The following SERGEF variants were observed in gnomAD, a reference collection of about 807,000 sequenced individuals.
The protein encoded by SERGEF is secretion-regulating guanine nucleotide exchange factor.
A neutral mutation model predicts 50.0 loss-of-function variants in SERGEF; 51 were observed. That is an observed-to-expected ratio of 1.02 (90% CI 0.81 to 1.29). The LOEUF is 1.29. Among genes scored for constraint, SERGEF ranks in the 50% most tolerant of loss-of-function variants. The pLI, the probability that SERGEF is intolerant of heterozygous loss-of-function variation, is 0.00. For missense variants in SERGEF, 521 were observed against 557.0 expected (o/e 0.94, Z 0.65); for synonymous variants, 205 against 212.4 (o/e 0.97, Z 0.30).
At chr11:17,808,031 C>T (rs1410751005) in intron 10 of SERGEF, among the ~76,000 whole-genome samples, 2 of 152,178 alleles carry the variant, frequency 1.3e-5, no homozygotes, top group African/African-American at 4.8e-5. Context: ...TTAGTGTCCC[C>T]TAATCTGAGA....
At chr11:17,935,452 G>C (rs28643319) in intron 9 of SERGEF, among the ~76,000 whole-genome samples, 3,554 of 152,206 alleles carry the variant, frequency 0.023, 155 homozygotes, top group African/African-American at 0.082. Flanking sequence ...CTGGGAAACA[G>C]AGGGAGACAA....
chr11:17,912,604 T>C (rs1230384926), intron 9 of SERGEF, among the ~76,000 whole-genome samples: 2 of 152,248 alleles, frequency 1.3e-5, no homozygotes, highest in Non-Finnish European at 2.9e-5. Context: ...AACACTTTCA[T>C]AATGAATGAT....
At chr11:17,988,559 T>C in intron 8 of SERGEF, 38 bp downstream of exon 8, 1 of 1,607,186 alleles carries the variant, frequency 6.2e-7, no homozygotes, top group Non-Finnish European at 8.5e-7. Flanking sequence ...GTCCCCCAGC[T>C]GCTCTTACCA....
At position 18,007,974 on chromosome 11, in the gene SERGEF, T is replaced by G. The variant is rs1854118384; in HGVS notation, c.163A>C (p.Thr55Pro). Residue 55 changes from threonine to proline, a missense_variant, in exon 2 of 11, where the codon ACA (threonine) becomes CCA (proline). Thr to Pro is a conservative substitution (Grantham distance 38, BLOSUM62 -1). Transcript: ENST00000265965. Reference protein sequence around the residue: ...FCKPRSVRRITGGGGHSAVVT... With the variant: ...FCKPRSVRRIPGGGGHSAVVT... ...ACTGCAGAGTGGCCCCCTCCTCCTGTGATCCTCCTGACACTCCTGGGTTTA... is the reference window on the plus strand; with the variant it reads ...ACTGCAGAGTGGCCCCCTCCTCCTGGGATCCTCCTGACACTCCTGGGTTTA... The G allele has an allele frequency of 6.2e-7, 1 of 1,613,966 alleles. No homozygotes were observed. Among genetic ancestry groups the G allele is most frequent in the South Asian group, 1.1e-5 (1 of 91,032 alleles).
At chr11:18,006,786 A>G (rs1854084036) in intron 2 of SERGEF, 40 bp from the exon 3 acceptor site, 2 of 1,599,958 alleles carry the variant, frequency 1.3e-6, no homozygotes, top group South Asian at 1.1e-5. Flanking sequence ...GTGCACAGGA[A>G]AAAACACAAC....
At chr11:17,952,814 A>T (rs978609658) in intron 9 of SERGEF, among the ~76,000 whole-genome samples, 9 of 152,026 alleles carry the variant, frequency 5.9e-5, no homozygotes, top group Non-Finnish European at 1.3e-4. Flanking sequence ...CACCAAATCC[A>T]GTAGTCTTTA....
chr11:17,868,306 G>A (rs957274936), intron 10 of SERGEF, among the ~76,000 whole-genome samples: 1 of 152,130 alleles, frequency 6.6e-6, no homozygotes, highest in Non-Finnish European at 1.5e-5. Context: ...CAAGTTCAAA[G>A]TTCCACAAAT....
At chr11:17,928,089 C>A (rs755278274) in intron 9 of SERGEF, among the ~76,000 whole-genome samples, 2 of 152,202 alleles carry the variant, frequency 1.3e-5, no homozygotes, top group South Asian at 2.1e-4. Flanking sequence ...TAATTATGCA[C>A]GGAAGTCTAA....
intron 1 of SERGEF, among the ~76,000 whole-genome samples, chr11:18,009,467 G>A (rs1854153104): frequency 6.6e-6 from 1 of 152,154 alleles, no homozygotes; most frequent in Non-Finnish European, 1.5e-5. Flanking sequence ...CAAAATGGGA[G>A]GGCAACATCC....
chr11:17,876,955 T>A (rs1291118031), intron 10 of SERGEF, among the ~76,000 whole-genome samples: 2 of 152,240 alleles, frequency 1.3e-5, no homozygotes, highest in African/African-American at 4.8e-5. Context: ...CTAACTCCAG[T>A]CCCTGTTACT....
chr11:17,848,067 A>G (rs914972812), intron 10 of SERGEF, among the ~76,000 whole-genome samples: 7 of 152,256 alleles, frequency 4.6e-5, no homozygotes, highest in African/African-American at 1.7e-4. Context: ...TAAAAATTCA[A>G]TCATATATTG....
intron 10 of SERGEF, among the ~76,000 whole-genome samples, chr11:17,866,106 C>T: frequency 6.6e-6 from 1 of 152,226 alleles, no homozygotes; most frequent in East Asian, 1.9e-4. Context: ...CTGCTGTCTC[C>T]CTGTCTGGCA....
intron 10 of SERGEF, among the ~76,000 whole-genome samples, chr11:17,807,976 C>G (rs1207823582): frequency 6.6e-6 from 1 of 152,238 alleles, no homozygotes; most frequent in Non-Finnish European, 1.5e-5. Context: ...GAGCCCATTT[C>G]CCTTTGATAG....
chr11:17,922,921 TC>T (rs1375665046), intron 9 of SERGEF, among the ~76,000 whole-genome samples: 1 of 152,236 alleles, frequency 6.6e-6, no homozygotes, highest in African/African-American at 2.4e-5. Flanking sequence ...TCTTTTGATT[TC>T]AGATTAAAAC....
intron 10 of SERGEF, among the ~76,000 whole-genome samples, chr11:17,817,317 C>A (rs950268401): frequency 6.6e-6 from 1 of 151,772 alleles, no homozygotes; most frequent in African/African-American, 2.4e-5. Context: ...CGGGTTCATG[C>A]CATTCTCCTG....
intron 6 of SERGEF, among the ~76,000 whole-genome samples, chr11:17,994,032 T>C (rs934464275): frequency 5.3e-5 from 8 of 152,040 alleles, no homozygotes; most frequent in Non-Finnish European, 1.0e-4. Flanking sequence ...TAATAACAGG[T>C]CCTGTGCTAA....
chr11:17,924,617 G>A (rs947717372), intron 9 of SERGEF, among the ~76,000 whole-genome samples: 1 of 150,158 alleles, frequency 6.7e-6, no homozygotes, highest in African/African-American at 2.5e-5. Context: ...GAAAAAAGGG[G>A]TAAGACTGGA....
In SERGEF at chr11:17,818,533, A is replaced by G. The variant is rs548049162; in HGVS notation, c.1049-30120T>C. On this transcript the variant is annotated intron_variant, in intron 10 of 10. Transcript: ENST00000265965. ...AGGAACTGAGAGACTGAGTAATTGG[A>G]TCACTTAGCTGTTAAGGAGTACAGC... Among the ~76,000 whole-genome samples the G allele has an allele frequency of 1.1e-3, 164 of 152,272 alleles. 1 individual carries two copies. Among genetic ancestry groups the G allele is most frequent in the African/African-American group, 3.7e-3 (154 of 41,562 alleles).
At chr11:17,928,809 C>T (rs1411938122) in intron 9 of SERGEF, among the ~76,000 whole-genome samples, 1 of 152,104 alleles carries the variant, frequency 6.6e-6, no homozygotes, top group Non-Finnish European at 1.5e-5. Flanking sequence ...ACTAGCTTGG[C>T]ATTTTTTTCT....
Sources: allele counts gnomAD v4.1 joint callset (sites outside exome capture counted in the v4.1 genomes callset), GRCh38; gene constraint gnomAD v4.1.1; transcripts MANE v1.5; gene names NCBI Gene and HGNC (gene_info 2026-07-23, HGNC 2026-07-21).